The following RAB30 variants were observed in gnomAD, a reference collection of about 807,000 sequenced individuals.
The protein encoded by RAB30 is RAB30, member RAS oncogene family.
RAB30 carries 9 observed loss-of-function variants against 25.1 expected under a neutral mutation model. The ratio of observed to expected loss-of-function variants is 0.36; its 90% confidence interval spans 0.22 to 0.63. The LOEUF (loss-of-function observed/expected upper bound fraction) is 0.63, where lower values mean the gene tolerates loss of function less well. RAB30 is among the 20% of genes least tolerant of loss of function. RAB30 has a pLI of 0.69. For missense variants in RAB30, 140 were observed against 243.5 expected, an observed-to-expected ratio of 0.58 and a Z score of 2.83; for synonymous variants, 77 against 86.4, an observed-to-expected ratio of 0.89 and a Z score of 0.60.
rs190131041 is a variant in RAB30 at position 82,989,888 on chromosome 11, T to C, written c.178-2118A>G. The stretch of plus-strand genomic sequence containing the variant: ...TTTCGGCATCTATAGGACATTAATA[T>C]ATGCAAGGTACTGTGCTAGGCACAT... On this transcript the variant is annotated intron_variant, in intron 3 of 4. Coordinates refer to ENST00000527633, the MANE Select transcript of RAB30 (RefSeq NM_001286060.2). 1.9e-3 allele frequency among the ~76,000 whole-genome samples: 297 copies of C among 152,332 alleles called. 1 individual carries two copies. Among genetic ancestry groups the C allele is most frequent in the Non-Finnish European group, 3.4e-3 (234 of 68,030 alleles).
At chr11:83,056,979 G>A (rs181173053) in intron 1 of RAB30, among the ~76,000 whole-genome samples, 1 of 152,202 alleles carries the variant, frequency 6.6e-6, no homozygotes, top group Non-Finnish European at 1.5e-5. Flanking sequence ...ACAATCTGTG[G>A]CAGGTAATAG....
intron 1 of RAB30, among the ~76,000 whole-genome samples, chr11:83,050,810 G>A (rs146520816): frequency 2.2e-4 from 34 of 152,210 alleles, no homozygotes; most frequent in African/African-American, 6.0e-4. Flanking sequence ...TGTTAGAAAT[G>A]ATGGTGACAT....
chr11:83,016,196 T>C (rs1857432568), intron 1 of RAB30, among the ~76,000 whole-genome samples: 1 of 151,992 alleles, frequency 6.6e-6, no homozygotes, highest in African/African-American at 2.4e-5. Flanking sequence ...TTTGGCAACA[T>C]GAAGGCCACT....
At chr11:83,033,920 T>C (rs1488159505) in intron 1 of RAB30, among the ~76,000 whole-genome samples, 1 of 151,434 alleles carries the variant, frequency 6.6e-6, no homozygotes, top group Non-Finnish European at 1.5e-5. Flanking sequence ...AATAATCAGA[T>C]CAGGCCATTT....
At chr11:83,006,390 A>G (rs1480131530) in intron 1 of RAB30, among the ~76,000 whole-genome samples, 1 of 152,258 alleles carries the variant, frequency 6.6e-6, no homozygotes, top group Non-Finnish European at 1.5e-5. Context: ...TGCTATGGAT[A>G]TCTGCAAGAT....
At chr11:83,029,834 T>C (rs1857811598) in intron 1 of RAB30, among the ~76,000 whole-genome samples, 1 of 152,060 alleles carries the variant, frequency 6.6e-6, no homozygotes, top group African/African-American at 2.4e-5. Flanking sequence ...ATGTGGTATA[T>C]ATCCACCATA....
chr11:82,993,698 G>A (rs1856902356), intron 3 of RAB30, among the ~76,000 whole-genome samples: 1 of 152,204 alleles, frequency 6.6e-6, no homozygotes, highest in Admixed American at 6.5e-5. Context: ...GCTCTTTCAT[G>A]GGGCTGCTGT....
Position 82,974,273 on chromosome 11 carries a change from A to C in RAB30, c.*7892T>G, listed in dbSNP as rs1331599461. 2.0e-5 allele frequency: 3 copies of C among 152,174 alleles called. No homozygotes were observed. The highest frequency in any genetic ancestry group is 4.4e-5 in the Non-Finnish European group (3 of 68,018). The allele number at this position is 152,174 out of a possible 1,614,324, so 9.4% of individuals were successfully genotyped here. A position where few individuals can be genotyped will look rare whatever the true frequency, so the allele number is the denominator to read the frequency against. On this transcript the variant is annotated 3_prime_UTR_variant, in exon 5 of 5. Transcript: ENST00000527633. Reference sequence around the variant, plus strand: ...TGAATGATATCTTAATTTTAAAAAGAGATGCAACTTCATTTAAGAATATTT... The same window carrying C: ...TGAATGATATCTTAATTTTAAAAAGCGATGCAACTTCATTTAAGAATATTT...
At chr11:83,033,928 T>C (rs1857932834) in intron 1 of RAB30, among the ~76,000 whole-genome samples, 1 of 152,028 alleles carries the variant, frequency 6.6e-6, no homozygotes. Flanking sequence ...GATCAGGCCA[T>C]TTTCATTAAT....
At chr11:83,067,660 A>ATCC (rs1858734225) in intron 1 of RAB30, among the ~76,000 whole-genome samples, 1 of 152,132 alleles carries the variant, frequency 6.6e-6, no homozygotes, top group Admixed American at 6.5e-5. Flanking sequence ...CTATCCCCCC[A>ATCC]TCCAATCAAT....
At chr11:82,982,623 G>A (rs952811674) in intron 4 of RAB30, among the ~76,000 whole-genome samples, 9 of 152,156 alleles carry the variant, frequency 5.9e-5, no homozygotes, top group Non-Finnish European at 1.3e-4. Context: ...CAGCACTTTA[G>A]GAGGCCAAGG....
intron 1 of RAB30, among the ~76,000 whole-genome samples, chr11:83,060,609 T>C (rs984280184): frequency 1.3e-5 from 2 of 152,110 alleles, no homozygotes; most frequent in Non-Finnish European, 2.9e-5. Context: ...AATCTAATAA[T>C]GAGAAAACAA....
At chr11:83,048,260 G>A (rs1018233182) in intron 1 of RAB30, among the ~76,000 whole-genome samples, 2 of 151,986 alleles carry the variant, frequency 1.3e-5, no homozygotes, top group African/African-American at 2.4e-5. Context: ...TAGGAGGATC[G>A]CTGAAGACCA....
intron 1 of RAB30, among the ~76,000 whole-genome samples, chr11:83,060,795 T>C (rs1025668787): frequency 3.3e-5 from 5 of 152,198 alleles, no homozygotes; most frequent in South Asian, 4.1e-4. Context: ...GCAAGACTGT[T>C]TCCAGAGGAG....
At chr11:82,989,470 CCACTGTA>C in intron 3 of RAB30, among the ~76,000 whole-genome samples, 1 of 152,296 alleles carries the variant, frequency 6.6e-6, no homozygotes, top group Middle Eastern at 3.4e-3. Flanking sequence ...ATGCTAAAGG[CCACTGTA>C]CAGATGTTAC....
At chr11:83,041,762 A>G (rs1346754697) in intron 1 of RAB30, among the ~76,000 whole-genome samples, 1 of 152,074 alleles carries the variant, frequency 6.6e-6, no homozygotes, top group Non-Finnish European at 1.5e-5. Context: ...AACCTAGGCC[A>G]TGTGCAGTGG....
In RAB30 at chr11:83,016,037, C is replaced by CTGAGGCAGGAGGATCGCT. The variant is rs568811646; in HGVS notation, c.-8-18731_-8-18714dup. On this transcript the variant is annotated intron_variant, in intron 1 of 4. Coordinates refer to ENST00000527633, the MANE Select transcript of RAB30 (RefSeq NM_001286060.2). The stretch of plus-strand genomic sequence containing the variant: ...TCTGTAGTCCCAGCTACTGAGGAGG[C>CTGAGGCAGGAGGATCGCT]TGAGGCAGGAGGATCGCTTGAGCCA... Among the ~76,000 whole-genome samples, 154 of 152,264 alleles carry CTGAGGCAGGAGGATCGCT rather than the reference C, an allele frequency of 1.0e-3. 1 individual carries two copies. Among genetic ancestry groups the CTGAGGCAGGAGGATCGCT allele is most frequent in the Non-Finnish European group, 1.5e-3 (104 of 68,024 alleles).
At chr11:82,990,507 CA>C (rs1239989806) in intron 3 of RAB30, among the ~76,000 whole-genome samples, 1 of 152,104 alleles carries the variant, frequency 6.6e-6, no homozygotes, top group Admixed American at 6.6e-5. Flanking sequence ...GTGCTTGGCA[CA>C]AAACATTTAC....
At chr11:83,015,642 G>T (rs1857419326) in intron 1 of RAB30, among the ~76,000 whole-genome samples, 1 of 152,188 alleles carries the variant, frequency 6.6e-6, no homozygotes, top group South Asian at 2.1e-4. Flanking sequence ...TAAAGCCATT[G>T]AATTATCAGA....
Sources: gnomAD v4.1 joint callset for allele counts (sites outside exome capture counted in the v4.1 genomes callset) on GRCh38, gnomAD v4.1.1 for gene constraint, MANE v1.5 for transcripts, NCBI Gene and HGNC (gene_info 2026-07-23, HGNC 2026-07-21) for gene names.